Variants in LTV1 observed in about 807,000 individuals in gnomAD.
LTV1 encodes the protein protein LTV1 homolog.
Under a neutral mutation model 59.9 loss-of-function variants are expected in LTV1, and 39 were observed. The ratio of observed to expected loss-of-function variants is 0.65; its 90% confidence interval spans 0.50 to 0.85. The LOEUF (loss-of-function observed/expected upper bound fraction) is 0.85, where lower values mean the gene tolerates loss of function less well. Ranked by LOEUF, LTV1 falls within the 40% of genes least tolerant of loss-of-function variation. LTV1 has a pLI of 0.00. For missense variants in LTV1, 493 were observed against 549.1 expected (o/e 0.90, Z 1.02); for synonymous variants, 171 against 189.5 (o/e 0.90, Z 0.80).
At chr6:143,854,225 G>C (rs1257192558) in intron 4 of LTV1, among the ~76,000 whole-genome samples, 2 of 152,164 alleles carry the variant, frequency 1.3e-5, no homozygotes, top group Non-Finnish European at 2.9e-5. Context: ...AGATTTTCTA[G>C]TTTATTTTCA....
Position 143,843,446 on chromosome 6 carries a change from C to A in LTV1, c.-32C>A, listed in dbSNP as rs1776833482. 1 of 1,612,912 alleles carries A rather than the reference C, an allele frequency of 6.2e-7. No individual in the cohort carries two copies. The highest frequency in any genetic ancestry group is 8.5e-7 in the Non-Finnish European group (1 of 1,179,956). ...GGACTTCGAGGGTGTCATCGCCGCC[C>A]CTGTTGGGGGTGAGCGCCGCGCGGC... On this transcript the variant is annotated 5_prime_UTR_variant, in exon 1 of 11. Transcript: ENST00000367576.
At chr6:143,858,542 C>T (rs1777115499) in intron 6 of LTV1, 2 of 155,358 alleles carry the variant, frequency 1.3e-5, no homozygotes, top group Admixed American at 6.2e-5. Flanking sequence ...ATTTTGCTCA[C>T]GATACATCTG....
In LTV1 at chr6:143,850,308, G is replaced by T. The variant is rs781631382; in HGVS notation, c.397+90G>T. 3 of 911,056 alleles carry T rather than the reference G, an allele frequency of 3.3e-6. No homozygotes were observed. In the Admixed American group the frequency reaches 6.2e-5, roughly 19 times the overall value. 56.4% of individuals were successfully genotyped at this position (911,056 alleles called of 1,614,324 possible). The stretch of plus-strand genomic sequence containing the variant: ...GTAGGATTTTTCTATCCCCAGTAAA[G>T]TATTGAAACAATTGAGATATGTCTG... On this transcript the variant is annotated intron_variant, in intron 4 of 10. Transcript: ENST00000367576.
intron 1 of LTV1, among the ~76,000 whole-genome samples, chr6:143,843,978 T>C (rs569038978): frequency 2.0e-5 from 3 of 152,358 alleles, no homozygotes; most frequent in Middle Eastern, 6.8e-3. Flanking sequence ...AGTAAGAATG[T>C]AGAAAGAGGT....
At position 143,863,041 on chromosome 6, in the gene LTV1, A is replaced by G. The variant is rs1440931936; in HGVS notation, c.1117-45A>G. 2.6e-6 allele frequency: 4 copies of G among 1,535,514 alleles called. No homozygotes were observed. Among genetic ancestry groups the G allele is most frequent in the Non-Finnish European group, 3.6e-6 (4 of 1,111,650 alleles). On this transcript the variant is annotated intron_variant, in intron 9 of 10. Coordinates refer to ENST00000367576, the MANE Select transcript of LTV1 (RefSeq NM_032860.5). The surrounding 1 kb of genome is among the most constrained non-coding windows in gnomAD (Gnocchi z 4.5). Reference sequence around the variant, plus strand: ...TATGTCATTAATGAGCTATTTTTTAATAGGAATGAGAAGTAACTCTAGTAC... The same window carrying G: ...TATGTCATTAATGAGCTATTTTTTAGTAGGAATGAGAAGTAACTCTAGTAC...
chr6:143,854,906 G>C (rs1777046532), intron 4 of LTV1, among the ~76,000 whole-genome samples: 1 of 152,172 alleles, frequency 6.6e-6, no homozygotes, highest in Non-Finnish European at 1.5e-5. Flanking sequence ...GTGGTGCTGA[G>C]AAGAATGTAT....
chr6:143,857,650 A>G lies in LTV1; in HGVS notation c.540-102A>G. On this transcript the variant is annotated intron_variant, in intron 5 of 10. Transcript: ENST00000367576. This position sits in a 1 kb window ranked among gnomAD's most constrained non-coding sequence, Gnocchi z 5.2. ...CACCCTCACTCTTCCTGCCTAGACAAGAACCCTTCCTGAAATACCTTCCAA... is the reference window on the plus strand; with the variant it reads ...CACCCTCACTCTTCCTGCCTAGACAGGAACCCTTCCTGAAATACCTTCCAA... The G allele has an allele frequency of 7.4e-7, 1 of 1,347,200 alleles. No homozygotes were observed. 83.5% of individuals were successfully genotyped at this position (1,347,200 alleles called of 1,614,324 possible).
intron 4 of LTV1, among the ~76,000 whole-genome samples, chr6:143,851,780 G>T (rs1562330221): frequency 6.6e-6 from 1 of 151,780 alleles, no homozygotes; most frequent in East Asian, 1.9e-4. Flanking sequence ...GTGTCCATAT[G>T]TTCTCATTGT....
At chr6:143,846,821 T>A (rs1158788698) in intron 3 of LTV1, among the ~76,000 whole-genome samples, 1 of 152,230 alleles carries the variant, frequency 6.6e-6, no homozygotes, top group Non-Finnish European at 1.5e-5. Flanking sequence ...CTCCGTGACC[T>A]TATTTTTAAT....
At chr6:143,848,290 A>G (rs756006982) in intron 3 of LTV1, among the ~76,000 whole-genome samples, 3 of 152,256 alleles carry the variant, frequency 2.0e-5, no homozygotes, top group Non-Finnish European at 2.9e-5. Flanking sequence ...GTAATTAATA[A>G]TGTAATATCC....
chr6:143,862,945 T>TA lies in LTV1; in HGVS notation c.1116+50dup, dbSNP rs142407005. ...TTTGAAGGATGCAGTGCATAAAAAA[T>TA]AGAGTGCACATTTTCGCACAATAAC... is the stretch of plus-strand genomic sequence containing the variant. On this transcript the variant is annotated intron_variant, in intron 9 of 10. Transcript: ENST00000367576. This position sits in a 1 kb window ranked among gnomAD's most constrained non-coding sequence, Gnocchi z 4.2. 3.7e-4 allele frequency: 544 copies of TA among 1,490,064 alleles called. No homozygotes were observed. Among genetic ancestry groups the TA allele is most frequent in the Non-Finnish European group, 4.7e-4 (507 of 1,068,010 alleles). 92.3% of individuals were successfully genotyped at this position (1,490,064 alleles called of 1,614,324 possible). A position where few individuals can be genotyped will look rare whatever the true frequency, so the allele number is the denominator to read the frequency against.
At chr6:143,861,240 T>G (rs1034831802) in intron 7 of LTV1, among the ~76,000 whole-genome samples, 6 of 151,822 alleles carry the variant, frequency 4.0e-5, no homozygotes, top group Admixed American at 2.0e-4. Flanking sequence ...TGCTTAAAAG[T>G]TTTGTTTTGA....
chr6:143,850,272 A>G, intron 4 of LTV1, 54 bp downstream of exon 4: 2 of 1,373,744 alleles, frequency 1.5e-6, no homozygotes, highest in South Asian at 2.4e-5. Context: ...TGCAAAACAT[A>G]AAGAAATGAT....
chr6:143,854,796 G>T (rs976320712), intron 4 of LTV1, among the ~76,000 whole-genome samples: 5 of 152,176 alleles, frequency 3.3e-5, no homozygotes, highest in Admixed American at 2.0e-4. Flanking sequence ...TTTGATTGCA[G>T]TGTGGTCTGA....
At chr6:143,854,401 C>G (rs1777040446) in intron 4 of LTV1, among the ~76,000 whole-genome samples, 1 of 152,138 alleles carries the variant, frequency 6.6e-6, no homozygotes, top group Non-Finnish European at 1.5e-5. Context: ...AAAAAACTAG[C>G]TCCTGGATTC....
rs767463415 is a variant in LTV1 at position 143,863,450 on chromosome 6, G to A, written c.1351G>A (p.Ala451Thr). 2.5e-6 allele frequency: 4 copies of A among 1,613,748 alleles called. No homozygotes were observed. Among genetic ancestry groups the A allele is most frequent in the Admixed American group, 3.3e-5 (2 of 59,990 alleles). Residue 451 changes from alanine (A) to threonine (T), a missense_variant, in exon 11 of 11, where the codon GCA becomes ACA. Coordinates refer to ENST00000367576, the MANE Select transcript of LTV1 (RefSeq NM_032860.5). The surrounding 1 kb of genome is among the most constrained non-coding windows in gnomAD (Gnocchi z 4.5). ...RRVEKKANKL[A>T]FKLEKRRQEK... Reference sequence around the variant, plus strand: ...AGTGGAGAAGAAAGCTAACAAATTAGCATTTAAACTGGAGAAAAGAAGGCA... The same window carrying A: ...AGTGGAGAAGAAAGCTAACAAATTAACATTTAAACTGGAGAAAAGAAGGCA...
chr6:143,858,206 G>T, intron 6 of LTV1, 199 bp downstream of exon 6: 1 of 606,954 alleles, frequency 1.6e-6, no homozygotes, highest in Non-Finnish European at 3.0e-6. Flanking sequence ...CACAAAGACT[G>T]CAAAGGGAGC....
At chr6:143,848,572 G>A (rs535225351) in intron 3 of LTV1, among the ~76,000 whole-genome samples, 3 of 152,314 alleles carry the variant, frequency 2.0e-5, no homozygotes, top group Admixed American at 1.3e-4. Context: ...CTCCTGGGCT[G>A]AGGATAGGGC....
chr6:143,857,719 G>A lies in LTV1; in HGVS notation c.540-33G>A, dbSNP rs1777099851. On this transcript the variant is annotated intron_variant, in intron 5 of 10. Transcript: ENST00000367576. The surrounding 1 kb of genome is among the most constrained non-coding windows in gnomAD (Gnocchi z 5.2). ...GTTTTGTTCTGTTACTTTTTAAGTT[G>A]TTTTGGTAGGTAATTTATGACCTTT... 6.2e-7 allele frequency: 1 copy of A among 1,610,622 alleles called. No individual in the cohort carries two copies. The highest frequency in any genetic ancestry group is 8.5e-7 in the Non-Finnish European group (1 of 1,177,446).
Sources: gnomAD v4.1 joint callset for allele counts (sites outside exome capture counted in the v4.1 genomes callset) on GRCh38, gnomAD v4.1.1 for gene constraint, Gnocchi (gnomAD v3.1) non-coding constraint, MANE v1.5 for transcripts, NCBI Gene and HGNC (gene_info 2026-07-23, HGNC 2026-07-21) for gene names.